The following NFIB variants were observed in gnomAD, a reference collection of about 807,000 sequenced individuals.
NFIB encodes the protein nuclear factor I B, also known as nuclear factor 1 B-type.
A neutral mutation model predicts 61.5 loss-of-function variants in NFIB; 11 were observed. The observed-to-expected ratio is 0.18, with a 90% CI of 0.11 to 0.30. The LOEUF is 0.30. NFIB is among the 10% of genes least tolerant of loss of function. The pLI is 1.00. For synonymous variants in NFIB, 260 were observed against 216.5 expected, an observed-to-expected ratio of 1.20 and a Z score of -1.76; for missense variants, 471 against 608.9, an observed-to-expected ratio of 0.77 and a Z score of 2.38.
chr9:14,223,536 A>C (rs1431239526), intron 2 of NFIB, among the ~76,000 whole-genome samples: 2 of 152,178 alleles, frequency 1.3e-5, no homozygotes, highest in African/African-American at 4.8e-5. Flanking sequence ...AGAAACCACT[A>C]ATTATTTAAT....
the NFIB span, among the ~76,000 whole-genome samples, chr9:14,483,689 A>G: frequency 6.6e-6 from 1 of 152,200 alleles, no homozygotes; most frequent in Non-Finnish European, 1.5e-5. Context: ...AGTGTTAGCA[A>G]TAAGAATCTC....
At chr9:14,218,671 C>G (rs1267232182) in intron 2 of NFIB, among the ~76,000 whole-genome samples, 1 of 152,152 alleles carries the variant, frequency 6.6e-6, no homozygotes, top group Admixed American at 6.6e-5. Flanking sequence ...GAGCCTATTG[C>G]TACCAACCAG....
intron 1 of NFIB, among the ~76,000 whole-genome samples, chr9:14,396,756 T>C (rs1311506255): frequency 6.6e-6 from 1 of 152,190 alleles, no homozygotes; most frequent in Non-Finnish European, 1.5e-5. Context: ...CATTAAAAGT[T>C]AACAGTGAGG....
At chr9:14,157,673 C>T (rs1285756376) in intron 3 of NFIB, among the ~76,000 whole-genome samples, 1 of 152,050 alleles carries the variant, frequency 6.6e-6, no homozygotes, top group Non-Finnish European at 1.5e-5. Context: ...TGCTAAAAGT[C>T]ATGAATACAA....
At chr9:14,191,853 T>C (rs1387353075) in intron 2 of NFIB, among the ~76,000 whole-genome samples, 3 of 152,220 alleles carry the variant, frequency 2.0e-5, no homozygotes, top group Non-Finnish European at 4.4e-5. Flanking sequence ...ATTTTCCAAA[T>C]TGATTATTAT....
At chr9:14,463,965 C>T in the NFIB span, among the ~76,000 whole-genome samples, 2 of 152,176 alleles carry the variant, frequency 1.3e-5, no homozygotes, top group African/African-American at 2.4e-5. Flanking sequence ...TGGCCTCTCC[C>T]TGCTTTTCTA....
the NFIB span, among the ~76,000 whole-genome samples, chr9:14,471,206 A>G: frequency 9.4e-4 from 143 of 152,354 alleles, 1 homozygote; most frequent in African/African-American, 3.3e-3. Flanking sequence ...TCACTTAAAC[A>G]GGATTGATGA....
At chr9:14,183,174 G>C (rs188797073) in intron 2 of NFIB, among the ~76,000 whole-genome samples, 2 of 152,198 alleles carry the variant, frequency 1.3e-5, no homozygotes, top group African/African-American at 4.8e-5. Context: ...ACTAAGCATG[G>C]AGAAGTGTGT....
intron 1 of NFIB, among the ~76,000 whole-genome samples, chr9:14,369,712 A>G (rs1203734957): frequency 1.3e-5 from 2 of 152,112 alleles, no homozygotes; most frequent in Non-Finnish European, 2.9e-5. Context: ...ACCACGTTTT[A>G]TTGTTTCTAC....
intron 1 of NFIB, among the ~76,000 whole-genome samples, chr9:14,392,961 T>G (rs2133036653): frequency 6.6e-6 from 1 of 152,314 alleles, no homozygotes; most frequent in East Asian, 1.9e-4. Flanking sequence ...CCACCTTAAG[T>G]GTTTATTCAT....
upstream of NFIB, among the ~76,000 whole-genome samples, chr9:14,399,149 A>T (rs565365925): frequency 3.9e-5 from 6 of 152,368 alleles, no homozygotes; most frequent in Non-Finnish European, 7.3e-5. Context: ...ACATGTTAAA[A>T]TAATATTTTG....
At chr9:14,421,178 TCTTC>T in the NFIB span, among the ~76,000 whole-genome samples, 5 of 152,174 alleles carry the variant, frequency 3.3e-5, no homozygotes, top group African/African-American at 7.2e-5. Flanking sequence ...TTCCTGTTTT[TCTTC>T]CTTCATTTCT....
chr9:14,355,723 G>A (rs565274424), intron 1 of NFIB, among the ~76,000 whole-genome samples: 54 of 152,272 alleles, frequency 3.5e-4, no homozygotes, highest in African/African-American at 9.1e-4. Flanking sequence ...CTGGGAGGCC[G>A]AGGCAGGTGG....
chr9:14,455,775 G>A, the NFIB span, among the ~76,000 whole-genome samples: 166 of 152,086 alleles, frequency 1.1e-3, no homozygotes, highest in Non-Finnish European at 2.0e-3. Context: ...CGTTTTTAGG[G>A]AACTAGACTA....
chr9:14,169,169 G>A (rs1219990404), intron 3 of NFIB, among the ~76,000 whole-genome samples: 1 of 152,126 alleles, frequency 6.6e-6, no homozygotes, highest in Non-Finnish European at 1.5e-5. Context: ...AATGGAGCCA[G>A]CATCTTACCA....
chr9:14,098,227 C>A (rs1199868474), intron 10 of NFIB, among the ~76,000 whole-genome samples: 1 of 152,106 alleles, frequency 6.6e-6, no homozygotes, highest in African/African-American at 2.4e-5. Context: ...CCTTTGGTAA[C>A]ACGCGCATGT....
intron 2 of NFIB, among the ~76,000 whole-genome samples, chr9:14,293,395 T>A (rs1290352451): frequency 1.3e-5 from 2 of 152,182 alleles, no homozygotes; most frequent in Middle Eastern, 3.2e-3. Context: ...ACTTCATCCT[T>A]CATGAAATAT....
At chr9:14,457,643 G>C in the NFIB span, among the ~76,000 whole-genome samples, 1 of 151,288 alleles carries the variant, frequency 6.6e-6, no homozygotes, top group Non-Finnish European at 1.5e-5. Flanking sequence ...GAAGAAAAGA[G>C]AGAAGAATCA....
upstream of NFIB, among the ~76,000 whole-genome samples, chr9:14,316,740 A>T (rs1262852005): frequency 6.6e-6 from 1 of 151,942 alleles, no homozygotes; most frequent in Non-Finnish European, 1.5e-5. Flanking sequence ...TGCACATTAC[A>T]CTGCATCCCC....
Sources: allele counts gnomAD v4.1 joint callset (sites outside exome capture counted in the v4.1 genomes callset), GRCh38; gene constraint gnomAD v4.1.1; transcripts MANE v1.5; gene names NCBI Gene and HGNC (gene_info 2026-07-23, HGNC 2026-07-21).